Variants in PDGFC observed in about 807,000 individuals in gnomAD.
PDGFC encodes platelet-derived growth factor C.
A neutral mutation model predicts 35.5 loss-of-function variants in PDGFC; 12 were observed. That is an observed-to-expected ratio of 0.34 (90% confidence interval 0.22 to 0.55). The LOEUF is 0.55. Ranked by LOEUF, PDGFC falls within the 20% of genes least tolerant of loss-of-function variation. PDGFC has a pLI of 0.91. For synonymous variants in PDGFC, 159 were observed against 148.8 expected, an observed-to-expected ratio of 1.07 and a Z score of -0.50; for missense variants, 322 against 412.4, an observed-to-expected ratio of 0.78 and a Z score of 1.90.
At chr4:156,792,994 T>C (rs1731337448) in intron 3 of PDGFC, among the ~76,000 whole-genome samples, 1 of 152,138 alleles carries the variant, frequency 6.6e-6, no homozygotes, top group South Asian at 2.1e-4. Flanking sequence ...GAAATTCCTG[T>C]ACTAGAGATT....
intron 1 of PDGFC, among the ~76,000 whole-genome samples, chr4:156,911,016 G>A (rs761801795): frequency 4.6e-5 from 7 of 151,870 alleles, no homozygotes; most frequent in Non-Finnish European, 8.8e-5. Context: ...CTCTTAACGC[G>A]GTGTTTTACA....
chr4:156,932,455 A>C (rs1375842548), intron 1 of PDGFC, among the ~76,000 whole-genome samples: 1 of 152,174 alleles, frequency 6.6e-6, no homozygotes, highest in African/African-American at 2.4e-5. Flanking sequence ...ACATGTGTTT[A>C]TTGTGGCACT....
chr4:156,942,934 T>C (rs532346260), intron 1 of PDGFC, among the ~76,000 whole-genome samples: 1 of 152,232 alleles, frequency 6.6e-6, no homozygotes, highest in South Asian at 2.1e-4. Flanking sequence ...TCTCAGATTA[T>C]CCCTCTCGGC....
intron 2 of PDGFC, among the ~76,000 whole-genome samples, chr4:156,828,279 A>T (rs1728835879): frequency 6.6e-6 from 1 of 152,178 alleles, no homozygotes; most frequent in Admixed American, 6.5e-5. Flanking sequence ...ACACTTTGGG[A>T]TACACCTGAC....
intron 1 of PDGFC, among the ~76,000 whole-genome samples, chr4:156,938,680 T>G (rs940683620): frequency 6.6e-6 from 1 of 151,962 alleles, no homozygotes; most frequent in Non-Finnish European, 1.5e-5. Flanking sequence ...TAAAAAGTTA[T>G]AAAAAGCTGT....
chr4:156,945,342 C>CATATATATAT (rs201167463), intron 1 of PDGFC, among the ~76,000 whole-genome samples: 10 of 81,080 alleles, frequency 1.2e-4, no homozygotes, highest in Non-Finnish European at 1.8e-4. Flanking sequence ...CATATACATA[C>CATATATATAT]ATATATATAT....
chr4:156,869,111 A>G (rs951655235), intron 1 of PDGFC, among the ~76,000 whole-genome samples: 1 of 152,108 alleles, frequency 6.6e-6, no homozygotes, highest in Non-Finnish European at 1.5e-5. Context: ...TGATGAAGAG[A>G]TCTTCAATTT....
In PDGFC at chr4:156,945,400, G is replaced by A. The variant is rs1437387751; in HGVS notation, c.118+25386C>T. Reference sequence around the variant, plus strand: ...ATATATATATATATATAATCAGTAGGGAAAATTCACAACAGTAATATGCTT... The same window carrying A: ...ATATATATATATATATAATCAGTAGAGAAAATTCACAACAGTAATATGCTT... On this transcript the variant is annotated intron_variant, in intron 1 of 5. Coordinates refer to ENST00000502773, the MANE Select transcript of PDGFC (RefSeq NM_016205.3). 7.2e-4 allele frequency among the ~76,000 whole-genome samples: 77 copies of A among 106,436 alleles called. 1 individual carries two copies. The highest frequency in any genetic ancestry group is 9.5e-4 in the Admixed American group (8 of 8,422). The allele number at this position is 106,436 out of a possible 152,430, so 69.8% of individuals were successfully genotyped here. A position where few individuals can be genotyped will look rare whatever the true frequency, so the allele number is the denominator to read the frequency against.
intron 3 of PDGFC, among the ~76,000 whole-genome samples, chr4:156,775,862 C>A (rs1197193411): frequency 6.6e-6 from 1 of 152,162 alleles, no homozygotes; most frequent in Non-Finnish European, 1.5e-5. Flanking sequence ...AAAGACAACT[C>A]TTTCCCCACC....
At chr4:156,920,487 A>G (rs534511030) in intron 1 of PDGFC, among the ~76,000 whole-genome samples, 33 of 152,070 alleles carry the variant, frequency 2.2e-4, no homozygotes, top group Non-Finnish European at 4.1e-4. Flanking sequence ...CTCTCTCCCA[A>G]CCTCTGCAAT....
At chr4:156,907,070 T>C (rs539784456) in intron 1 of PDGFC, among the ~76,000 whole-genome samples, 151 of 152,310 alleles carry the variant, frequency 9.9e-4, no homozygotes, top group African/African-American at 3.6e-3. Flanking sequence ...TTTATTTTAC[T>C]CAGAACATGT....
At chr4:156,804,050 T>C (rs985467419) in intron 3 of PDGFC, among the ~76,000 whole-genome samples, 6 of 151,910 alleles carry the variant, frequency 3.9e-5, no homozygotes, top group Admixed American at 1.3e-4. Flanking sequence ...GAAAGATATC[T>C]ACCTAATTTT....
At chr4:156,809,089 TC>T (rs80168644) in intron 3 of PDGFC, among the ~76,000 whole-genome samples, 1 of 152,086 alleles carries the variant, frequency 6.6e-6, no homozygotes, top group East Asian at 1.9e-4. Flanking sequence ...ATGCCTTTAC[TC>T]CCCACATGTC....
intron 1 of PDGFC, among the ~76,000 whole-genome samples, chr4:156,901,198 T>A (rs760777374): frequency 1.4e-4 from 21 of 152,184 alleles, no homozygotes; most frequent in Admixed American, 3.9e-4. Flanking sequence ...AGTATCCATA[T>A]GAGGGAATCC....
At chr4:156,873,890 T>C (rs1447892938) in intron 1 of PDGFC, 1 of 152,178 alleles carries the variant, frequency 6.6e-6, no homozygotes, top group East Asian at 1.9e-4. Context: ...TACAAAGTAA[T>C]TCAAAGACGA....
chr4:156,891,326 G>A (rs577884035), intron 1 of PDGFC, among the ~76,000 whole-genome samples: 4,336 of 62,612 alleles, frequency 0.069, 56 homozygotes, highest in Non-Finnish European at 0.11. Context: ...AAAAAAAAAA[G>A]GAAAAATACA....
At chr4:156,943,725 A>C (rs974110990) in intron 1 of PDGFC, among the ~76,000 whole-genome samples, 1 of 152,156 alleles carries the variant, frequency 6.6e-6, no homozygotes, top group African/African-American at 2.4e-5. Flanking sequence ...GCATGTTGCC[A>C]GAAGTCCCTG....
chr4:156,894,235 C>A (rs562854880), intron 1 of PDGFC, among the ~76,000 whole-genome samples: 1 of 152,236 alleles, frequency 6.6e-6, no homozygotes, highest in South Asian at 2.1e-4. Context: ...TGACTTTTTA[C>A]TGGACAGTTC....
At chr4:156,783,536 C>T (rs1299831053) in intron 3 of PDGFC, among the ~76,000 whole-genome samples, 1 of 152,076 alleles carries the variant, frequency 6.6e-6, no homozygotes, top group Admixed American at 6.6e-5. Context: ...TCACTACCCA[C>T]TAATAAAGAC....
Sources: allele counts gnomAD v4.1 joint callset (sites outside exome capture counted in the v4.1 genomes callset), GRCh38; gene constraint gnomAD v4.1.1; transcripts MANE v1.5; gene names NCBI Gene and HGNC (gene_info 2026-07-23, HGNC 2026-07-21).